BCL2L1: variants seen among roughly 807,000 people sequenced by gnomAD.
The protein encoded by BCL2L1 is bcl-2-like protein 1.
A neutral mutation model predicts 18.7 loss-of-function variants in BCL2L1; 1 was observed. The ratio of observed to expected loss-of-function variants is 0.05; its 90% CI spans 0.02 to 0.25. BCL2L1 has a LOEUF of 0.25. Among genes scored for constraint, BCL2L1 ranks in the 10% least tolerant of loss-of-function variants. The pLI, the probability that BCL2L1 is intolerant of heterozygous loss-of-function variation, is 1.00. For missense variants in BCL2L1, 207 were observed against 304.9 expected (o/e 0.68, Z 2.39); for synonymous variants, 103 against 122.7 (o/e 0.84, Z 1.06).
intron 2 of BCL2L1, among the ~76,000 whole-genome samples, chr20:31,667,751 A>G (rs1045260418): frequency 2.6e-5 from 4 of 152,090 alleles, no homozygotes; most frequent in Non-Finnish European, 5.9e-5. Context: ...TTCTAAGAAC[A>G]CTGGAAGCCC....
At chr20:31,706,213 C>T (rs553616001) in intron 2 of BCL2L1, among the ~76,000 whole-genome samples, 1 of 152,250 alleles carries the variant, frequency 6.6e-6, no homozygotes, top group South Asian at 2.1e-4. Flanking sequence ...GTTCAGAACT[C>T]CCGCACTGAA....
intron 2 of BCL2L1, 69 bp from the exon 3 acceptor site, chr20:31,666,155 G>T: frequency 6.4e-7 from 1 of 1,573,988 alleles, no homozygotes; most frequent in Non-Finnish European, 8.7e-7. Context: ...GGGGAAAGGG[G>T]CCATCTGCAT....
chr20:31,692,713 A>G (rs1568873745), intron 2 of BCL2L1, among the ~76,000 whole-genome samples: 2 of 152,178 alleles, frequency 1.3e-5, no homozygotes, highest in African/African-American at 4.8e-5. Flanking sequence ...GTTCAAGACC[A>G]GCCTGGCCAA....
chr20:31,705,992 G>C (rs2061363481), intron 2 of BCL2L1, among the ~76,000 whole-genome samples: 3 of 152,106 alleles, frequency 2.0e-5, no homozygotes, highest in Admixed American at 1.3e-4. Flanking sequence ...TTGCCCCAAA[G>C]GCTATTTCTG....
chr20:31,721,789 A>T lies in BCL2L1; in HGVS notation c.430T>A (p.Phe144Ile). ...GVNWGRIVAF[F>I]SFGGALCVES... ...ACGCACAGTGCCCCGCCGAAGGAGA[A>T]AAAGGCCACAATGCGACCCCAGTTT... Residue 144 changes from phenylalanine to isoleucine, a missense_variant, in exon 2 of 3, where the codon TTC becomes ATC. By Grantham distance (21) the Phe-to-Ile change is conservative. Coordinates refer to ENST00000307677, the MANE Select transcript of BCL2L1 (RefSeq NM_138578.3). 6.2e-7 allele frequency: 1 copy of T among 1,614,156 alleles called. No individual in the cohort carries two copies. Among genetic ancestry groups the T allele is most frequent in the Non-Finnish European group, 8.5e-7 (1 of 1,180,038 alleles).
chr20:31,708,890 G>A (rs1231784148), intron 2 of BCL2L1, among the ~76,000 whole-genome samples: 1 of 152,180 alleles, frequency 6.6e-6, no homozygotes, highest in African/African-American at 2.4e-5. Flanking sequence ...TTACCCTGCT[G>A]AGGCCAGAGT....
intron 2 of BCL2L1, among the ~76,000 whole-genome samples, chr20:31,709,840 CAAAAAAAAAAAAA>C (rs56937786): frequency 3.1e-5 from 2 of 64,072 alleles, no homozygotes; most frequent in Non-Finnish European, 3.4e-5. Flanking sequence ...GACTCCATCT[CAAAAAAAAAAAAA>C]AAAAAAAAAA....
At chr20:31,723,348 C>G (rs2061667293), upstream of BCL2L1, 1 of 985,526 alleles carries the variant, frequency 1.0e-6, no homozygotes, top group Non-Finnish European at 1.2e-6. Flanking sequence ...GGCCTCTCCT[C>G]AGGTCAGGAA....
intron 2 of BCL2L1, among the ~76,000 whole-genome samples, chr20:31,666,871 G>A (rs1320563290): frequency 6.6e-6 from 1 of 152,188 alleles, no homozygotes; most frequent in Non-Finnish European, 1.5e-5. Context: ...AAGTCAGAAG[G>A]GAAGCACATG....
chr20:31,721,495 A>AG, intron 2 of BCL2L1, 160 bp downstream of exon 2: 1 of 814,772 alleles, frequency 1.2e-6, no homozygotes, highest in Non-Finnish European at 1.9e-6. Flanking sequence ...ATTTCCAAGG[A>AG]GTTAACCTCT....
intron 2 of BCL2L1, among the ~76,000 whole-genome samples, chr20:31,689,247 A>AAGGGAAAGGG (rs763502907): frequency 3.1e-4 from 32 of 102,934 alleles, no homozygotes; most frequent in Non-Finnish European, 4.9e-4. Context: ...AAGAAAGGGG[A>AAGGGAAAGGG]AGGGAAAGGG....
At position 31,722,123 on chromosome 20, in the gene BCL2L1, C is replaced by G. The variant is rs760750448; in HGVS notation, c.96G>C (p.Glu32Asp). 10 of 1,550,628 alleles carry G rather than the reference C, an allele frequency of 6.4e-6. No homozygotes were observed. The highest frequency in any genetic ancestry group is 3.8e-5 in the Admixed American group (2 of 52,316). The change falls in exon 2 of 3, where the codon GAG becomes GAC. Residue 32 changes from glutamate to aspartate, a missense_variant. Glu to Asp is a conservative substitution (Grantham distance 45). Coordinates refer to ENST00000307677, the MANE Select transcript of BCL2L1 (RefSeq NM_138578.3). ...TCCCTTCTGGGGCCTCAGTCCTGTT[C>G]TCTTCCACATCACTAAACTGACTCC... is the stretch of plus-strand genomic sequence containing the variant. ...YSWSQFSDVE[E>D]NRTEAPEGTE...
chr20:31,675,948 C>T (rs866853220), intron 2 of BCL2L1, among the ~76,000 whole-genome samples: 2 of 152,222 alleles, frequency 1.3e-5, no homozygotes, highest in African/African-American at 4.8e-5. Context: ...TCCTCCCCCA[C>T]CATTAGTTCT....
rs1306137000 is a variant in BCL2L1, at chr20:31,689,272, G to GAA, written c.565-23187_565-23186insTT. ...AAGGGAAAGGGAGGGAAGGGGAGGG[G>GAA]GAGGGCAGGGGAGGGGAGGGAAGGA... is the stretch of plus-strand genomic sequence containing the variant. On this transcript the variant is annotated intron_variant, in intron 2 of 2. Coordinates refer to ENST00000307677, the MANE Select transcript of BCL2L1 (RefSeq NM_138578.3). Among the ~76,000 whole-genome samples the GAA allele has an allele frequency of 5.4e-4, 37 of 68,672 alleles. 16 individuals are homozygous for GAA. Among genetic ancestry groups the GAA allele is most frequent in the Non-Finnish European group, 6.2e-4 (21 of 34,144 alleles). 45.1% of individuals were successfully genotyped at this position (68,672 alleles called of 152,430 possible). A position where few individuals can be genotyped will look rare whatever the true frequency, so the allele number is the denominator to read the frequency against.
intron 2 of BCL2L1, among the ~76,000 whole-genome samples, chr20:31,689,737 C>T (rs1208672215): frequency 6.6e-6 from 1 of 152,106 alleles, no homozygotes; most frequent in East Asian, 1.9e-4. Flanking sequence ...GATGTTCTGC[C>T]AGGCGCGGTG....
chr20:31,687,949 G>A (rs952769560), intron 2 of BCL2L1, among the ~76,000 whole-genome samples: 2 of 152,136 alleles, frequency 1.3e-5, no homozygotes, highest in Non-Finnish European at 2.9e-5. Flanking sequence ...TCCTAGCTCT[G>A]CCACTTAATA....
chr20:31,715,005 T>A (rs1205558617), intron 2 of BCL2L1, among the ~76,000 whole-genome samples: 1 of 152,164 alleles, frequency 6.6e-6, no homozygotes, highest in Non-Finnish European at 1.5e-5. Flanking sequence ...CCTGGCACGG[T>A]GGCTCACGCC....
intron 2 of BCL2L1, among the ~76,000 whole-genome samples, chr20:31,694,844 AGGATCAC>A (rs1267732958): frequency 1.3e-5 from 2 of 152,048 alleles, no homozygotes; most frequent in Non-Finnish European, 2.9e-5. Flanking sequence ...TAGAGGCGGG[AGGATCAC>A]TTGAGCCCAG....
chr20:31,681,425 A>AC (rs1014614103), intron 2 of BCL2L1, among the ~76,000 whole-genome samples: 89 of 152,262 alleles, frequency 5.8e-4, no homozygotes, highest in African/African-American at 2.0e-3. Flanking sequence ...AGGTGAGAGG[A>AC]CTGCTTGAGT....
Sources: gnomAD v4.1 joint callset for allele counts (sites outside exome capture counted in the v4.1 genomes callset) on GRCh38, gnomAD v4.1.1 for gene constraint, MANE v1.5 for transcripts, NCBI Gene and HGNC (gene_info 2026-07-23, HGNC 2026-07-21) for gene names.